Variants in ASTN2 observed in about 807,000 individuals in gnomAD.
ASTN2 encodes astrotactin 2, also known as astrotactin-2.
ASTN2 carries 54 observed loss-of-function variants against 139.8 expected under a neutral mutation model. The ratio of observed to expected loss-of-function variants is 0.39; its 90% CI spans 0.31 to 0.48. ASTN2 has a LOEUF of 0.48. Ranked by LOEUF, ASTN2 falls within the 20% of genes least tolerant of loss-of-function variation. The pLI, the probability that ASTN2 is intolerant of heterozygous loss-of-function variation, is 0.95. For synonymous variants in ASTN2, 756 were observed against 719.5 expected (o/e 1.05, Z -0.81); for missense variants, 1,565 against 1,725.1 (o/e 0.91, Z 1.64).
chr9:116,537,714 T>C (rs1229399327), intron 19 of ASTN2, among the ~76,000 whole-genome samples: 1 of 152,158 alleles, frequency 6.6e-6, no homozygotes, highest in Non-Finnish European at 1.5e-5. Context: ...CCACTGACTA[T>C]CATAGAATCA....
At chr9:116,433,802 C>T (rs963407810) in intron 22 of ASTN2, among the ~76,000 whole-genome samples, 15 of 152,132 alleles carry the variant, frequency 9.9e-5, no homozygotes, top group African/African-American at 3.1e-4. Flanking sequence ...TGGTTATATA[C>T]CTTTAACACC....
Position 116,695,587 on chromosome 9 carries a change from C to T in ASTN2, c.2806+30184G>A, listed in dbSNP as rs189168345. ...TAAATGCATTGTCCTTAAAATCAAA[C>T]GAACTTGCCCTCCACTTCCTCCTTC... On this transcript the variant is annotated intron_variant, in intron 16 of 22. Transcript: ENST00000313400. Among the ~76,000 whole-genome samples the T allele has an allele frequency of 1.2e-3, 178 of 152,310 alleles. 1 individual carries two copies. The highest frequency in any genetic ancestry group is 4.1e-3 in the African/African-American group (170 of 41,570).
intron 17 of ASTN2, among the ~76,000 whole-genome samples, chr9:116,644,681 A>G (rs1857502594): frequency 6.6e-6 from 1 of 152,204 alleles, no homozygotes. Flanking sequence ...ATCTGCTCAT[A>G]AATGCTATGT....
At chr9:116,973,305 CTATTAT>C (rs139529108) in intron 10 of ASTN2, among the ~76,000 whole-genome samples, 2 of 151,054 alleles carry the variant, frequency 1.3e-5, no homozygotes, top group Admixed American at 6.6e-5. Flanking sequence ...ATGATATGAA[CTATTAT>C]TATTATTATT....
Position 116,961,193 on chromosome 9 carries a change from C to A in ASTN2, c.1889+14015G>T, listed in dbSNP as rs1235557478. ...TTTCTTCCCCCCACCCAGCCCCCCA[C>A]CATTTTTTATTTTGGTAAAATACAC... is the stretch of plus-strand genomic sequence containing the variant. On this transcript the variant is annotated intron_variant, in intron 10 of 22. Transcript: ENST00000313400. Among the ~76,000 whole-genome samples, 5 of 151,424 alleles carry A rather than the reference C, an allele frequency of 3.3e-5. No homozygotes were observed. The East Asian group carries it at 9.7e-4, about 30-fold the overall frequency.
intron 17 of ASTN2, among the ~76,000 whole-genome samples, chr9:116,640,612 G>C (rs776632269): frequency 6.6e-6 from 1 of 152,176 alleles, no homozygotes; most frequent in Non-Finnish European, 1.5e-5. Flanking sequence ...ACTATGGCTG[G>C]AGCACAGGAA....
At chr9:116,607,875 C>T (rs777664685) in intron 19 of ASTN2, among the ~76,000 whole-genome samples, 2 of 152,062 alleles carry the variant, frequency 1.3e-5, no homozygotes, top group African/African-American at 4.8e-5. Flanking sequence ...GCAGGAGAAT[C>T]GCTTGAATCT....
intron 13 of ASTN2, among the ~76,000 whole-genome samples, chr9:116,785,889 C>T (rs997882891): frequency 8.5e-5 from 13 of 152,314 alleles, no homozygotes; most frequent in Admixed American, 8.5e-4. Context: ...AGATTATAGA[C>T]CTTTTCTGCT....
chr9:116,899,023 G>T (rs1180152469), intron 10 of ASTN2, among the ~76,000 whole-genome samples: 2 of 152,054 alleles, frequency 1.3e-5, no homozygotes, highest in Non-Finnish European at 2.9e-5. Context: ...TAACCCCCAT[G>T]GAATCAGGTA....
At chr9:116,956,657 A>T (rs1463741718) in intron 10 of ASTN2, among the ~76,000 whole-genome samples, 1 of 152,062 alleles carries the variant, frequency 6.6e-6, no homozygotes, top group Non-Finnish European at 1.5e-5. Flanking sequence ...ATAATTTGGC[A>T]TCTACAAAAC....
At chr9:116,578,097 G>A (rs1343418824) in intron 19 of ASTN2, among the ~76,000 whole-genome samples, 1 of 152,174 alleles carries the variant, frequency 6.6e-6, no homozygotes, top group Admixed American at 6.5e-5. Flanking sequence ...AAGTGAACCA[G>A]AGAGGTAATA....
At chr9:116,861,097 T>C (rs1204567038) in intron 11 of ASTN2, among the ~76,000 whole-genome samples, 2 of 152,098 alleles carry the variant, frequency 1.3e-5, no homozygotes, top group Admixed American at 6.6e-5. Flanking sequence ...CTTTGACAAC[T>C]TCATCAGACC....
intron 19 of ASTN2, among the ~76,000 whole-genome samples, chr9:116,597,418 C>T (rs1459660869): frequency 1.4e-5 from 2 of 147,878 alleles, no homozygotes; most frequent in African/African-American, 4.9e-5. Flanking sequence ...AGGGATTCCC[C>T]TGCTTCAGCC....
chr9:117,048,824 TG>T (rs1162830798), intron 5 of ASTN2, among the ~76,000 whole-genome samples: 1 of 152,128 alleles, frequency 6.6e-6, no homozygotes, highest in Non-Finnish European at 1.5e-5. Context: ...AGAAGAATAA[TG>T]GGCCTATAAG....
chr9:116,931,906 A>C (rs1834908308), intron 10 of ASTN2, among the ~76,000 whole-genome samples: 1 of 152,156 alleles, frequency 6.6e-6, no homozygotes, highest in Admixed American at 6.5e-5. Flanking sequence ...GGGTAGAGAG[A>C]GTAAGCATCC....
chr9:117,236,191 G>C (rs1283206181), intron 2 of ASTN2, among the ~76,000 whole-genome samples: 3 of 152,190 alleles, frequency 2.0e-5, no homozygotes, highest in African/African-American at 7.2e-5. Flanking sequence ...AAACTCGGAT[G>C]GAACTCCACA....
intron 10 of ASTN2, among the ~76,000 whole-genome samples, chr9:116,871,959 A>G (rs1179577666): frequency 2.0e-5 from 3 of 152,050 alleles, no homozygotes. Flanking sequence ...TCAGTATGAG[A>G]CCTTGGGCAA....
intron 20 of ASTN2, among the ~76,000 whole-genome samples, chr9:116,455,348 C>CAAA (rs34816182): frequency 3.2e-5 from 4 of 123,762 alleles, no homozygotes; most frequent in African/African-American, 6.2e-5. Flanking sequence ...GATTCTGTCT[C>CAAA]AAAAAAAAAA....
chr9:116,573,271 C>A (rs1171865646), intron 19 of ASTN2, among the ~76,000 whole-genome samples: 2 of 152,194 alleles, frequency 1.3e-5, no homozygotes, highest in East Asian at 3.8e-4. Context: ...CCAGGTGAAC[C>A]AAAAGACCAC....
Sources: gnomAD v4.1 joint callset for allele counts (sites outside exome capture counted in the v4.1 genomes callset) on GRCh38, gnomAD v4.1.1 for gene constraint, MANE v1.5 for transcripts, NCBI Gene and HGNC (gene_info 2026-07-23, HGNC 2026-07-21) for gene names.